TTLL7: variants seen among roughly 807,000 people sequenced by gnomAD.
TTLL7 encodes tubulin tyrosine ligase like 7, also known as tubulin polyglutamylase TTLL7.
TTLL7 carries 53 observed loss-of-function variants against 120.2 expected under a neutral mutation model. The observed-to-expected ratio is 0.44, with a 90% CI of 0.35 to 0.55. TTLL7 has a LOEUF of 0.55. Ranked by LOEUF, TTLL7 falls within the 20% of genes least tolerant of loss-of-function variation. The pLI is 0.00. For missense variants in TTLL7, 803 were observed against 1,054.7 expected (o/e 0.76, Z 3.31); for synonymous variants, 353 against 351.7 (o/e 1.00, Z -0.04).
Position 83,902,510 on chromosome 1 carries a change from T to C in TTLL7, c.2208+1569A>G, listed in dbSNP as rs187927683. Among the ~76,000 whole-genome samples the C allele has an allele frequency of 2.0e-5, 3 of 152,156 alleles. No homozygotes were observed. In the East Asian group the frequency reaches 5.8e-4, roughly 30 times the overall value. Reference sequence around the variant, plus strand: ...CTCAGCTTACAACCTCTGTCAGCAATATGTGACACAATTGATTACTCTGTC... The same window carrying C: ...CTCAGCTTACAACCTCTGTCAGCAACATGTGACACAATTGATTACTCTGTC... On this transcript the variant is annotated intron_variant, in intron 18 of 20. Coordinates refer to ENST00000260505, the MANE Select transcript of TTLL7 (RefSeq NM_024686.6).
intron 20 of TTLL7, among the ~76,000 whole-genome samples, chr1:83,874,189 G>T (rs75540208): frequency 1.4e-3 from 212 of 151,994 alleles, no homozygotes; most frequent in Non-Finnish European, 2.3e-3. Context: ...GTCTCTATGA[G>T]TTTGCATATT....
intron 20 of TTLL7, among the ~76,000 whole-genome samples, chr1:83,872,337 A>G (rs988660007): frequency 3.9e-5 from 6 of 152,352 alleles, no homozygotes; most frequent in Admixed American, 3.9e-4. Context: ...ATCACAGATT[A>G]TATAAATTAT....
At chr1:83,909,269 C>CTTTTTT (rs71582911) in intron 15 of TTLL7, among the ~76,000 whole-genome samples, 8 of 99,294 alleles carry the variant, frequency 8.1e-5, no homozygotes, top group Admixed American at 1.4e-4. Context: ...TTTTTTTTTC[C>CTTTTTT]TTTTTTTTTT....
chr1:83,994,363 G>C (rs1653291644), intron 1 of TTLL7, among the ~76,000 whole-genome samples: 1 of 152,200 alleles, frequency 6.6e-6, no homozygotes. Flanking sequence ...AGCCTTGAAA[G>C]AGAGTGGAGG....
At chr1:83,978,702 T>C (rs1486679873) in intron 1 of TTLL7, among the ~76,000 whole-genome samples, 1 of 152,160 alleles carries the variant, frequency 6.6e-6, no homozygotes, top group Admixed American at 6.5e-5. Flanking sequence ...GAAGAGGTAC[T>C]TTGGCACTTG....
At chr1:83,877,956 A>G (rs1410164242) in intron 20 of TTLL7, among the ~76,000 whole-genome samples, 1 of 151,798 alleles carries the variant, frequency 6.6e-6, no homozygotes, top group African/African-American at 2.4e-5. Context: ...TATTCATTTA[A>G]ATCTATAAAT....
chr1:83,965,535 G>A (rs533088862), intron 1 of TTLL7, among the ~76,000 whole-genome samples: 80 of 152,174 alleles, frequency 5.3e-4, no homozygotes, highest in African/African-American at 1.7e-3. Flanking sequence ...TTACAGCAGT[G>A]TGAAAATACG....
chr1:83,959,867 G>A (rs1222204917), intron 1 of TTLL7, among the ~76,000 whole-genome samples: 2 of 151,822 alleles, frequency 1.3e-5, no homozygotes, highest in Non-Finnish European at 2.9e-5. Flanking sequence ...AACAGCTGAT[G>A]AATACATACA....
intron 20 of TTLL7, among the ~76,000 whole-genome samples, chr1:83,875,972 G>A (rs1345537466): frequency 6.6e-6 from 1 of 151,316 alleles, no homozygotes; most frequent in South Asian, 2.1e-4. Flanking sequence ...AAATTTTTTG[G>A]TTCTATTAAT....
chr1:83,965,723 G>C (rs995816705), intron 1 of TTLL7, among the ~76,000 whole-genome samples: 1 of 151,858 alleles, frequency 6.6e-6, no homozygotes. Flanking sequence ...TCTCTACAGC[G>C]CAGGCATTGT....
At chr1:83,941,702 AAAGTTT>A (rs1354504855) in intron 7 of TTLL7, among the ~76,000 whole-genome samples, 2 of 152,210 alleles carry the variant, frequency 1.3e-5, no homozygotes, top group East Asian at 3.8e-4. Flanking sequence ...GAGGTTAACT[AAAGTTT>A]AAGTATGCAT....
intron 18 of TTLL7, 85 bp downstream of exon 18, chr1:83,903,994 T>C (rs1168059907): frequency 6.0e-6 from 6 of 994,666 alleles, no homozygotes; most frequent in African/African-American, 1.6e-5. Context: ...TGAGCAAATA[T>C]ACAGTCTGTC....
At chr1:83,966,470 C>T (rs1428683888) in intron 1 of TTLL7, among the ~76,000 whole-genome samples, 1 of 151,964 alleles carries the variant, frequency 6.6e-6, no homozygotes, top group Non-Finnish European at 1.5e-5. Flanking sequence ...GGATCAGCTA[C>T]ATTTCATGAA....
chr1:83,906,563 T>C (rs1657217114), intron 16 of TTLL7, 100 bp from the exon 17 acceptor site: 2 of 1,540,204 alleles, frequency 1.3e-6, no homozygotes, highest in Non-Finnish European at 1.8e-6. Context: ...CACTTTTAAC[T>C]GAAAACAATA....
chr1:83,965,468 A>G (rs1376007208), intron 1 of TTLL7, among the ~76,000 whole-genome samples: 1 of 152,084 alleles, frequency 6.6e-6, no homozygotes, highest in Admixed American at 6.6e-5. Context: ...GCCATGCAGA[A>G]CTGTGAGTCA....
At chr1:83,948,488 A>G in intron 5 of TTLL7, 140 bp downstream of exon 5, 1 of 559,950 alleles carries the variant, frequency 1.8e-6, no homozygotes, top group East Asian at 3.0e-5. Flanking sequence ...AGACCTTCTA[A>G]GACCTCTCTA....
At chr1:83,935,413 G>A (rs548673509) in intron 8 of TTLL7, among the ~76,000 whole-genome samples, 3 of 152,104 alleles carry the variant, frequency 2.0e-5, no homozygotes, top group African/African-American at 4.8e-5. Context: ...TGAAAATGAG[G>A]AGTCATATAA....
At chr1:83,973,603 A>G (rs956362768) in intron 1 of TTLL7, among the ~76,000 whole-genome samples, 1 of 152,052 alleles carries the variant, frequency 6.6e-6, no homozygotes, top group African/African-American at 2.4e-5. Flanking sequence ...AATATCCACA[A>G]AACAAATTGC....
intron 1 of TTLL7, among the ~76,000 whole-genome samples, chr1:83,998,281 T>C (rs1350533845): frequency 6.6e-6 from 1 of 152,226 alleles, no homozygotes; most frequent in Admixed American, 6.5e-5. Flanking sequence ...GCCTAGGCTA[T>C]GAAGGTATTA....
Sources: allele counts gnomAD v4.1 joint callset (sites outside exome capture counted in the v4.1 genomes callset), GRCh38; gene constraint gnomAD v4.1.1; transcripts MANE v1.5; gene names NCBI Gene and HGNC (gene_info 2026-07-23, HGNC 2026-07-21).